The following C2CD3 variants were observed in gnomAD, a reference collection of about 807,000 sequenced individuals.
C2CD3 encodes the protein C2 domain-containing protein 3.
C2CD3 carries 148 observed loss-of-function variants against 234.0 expected under a neutral mutation model. The observed-to-expected ratio is 0.63, with a 90% CI of 0.55 to 0.72. The LOEUF (loss-of-function observed/expected upper bound fraction) is 0.72, where lower values mean the gene tolerates loss of function less well. Ranked by LOEUF, C2CD3 falls within the 30% of genes least tolerant of loss-of-function variation. C2CD3 has a pLI of 0.00. For missense variants in C2CD3, 2,577 were observed against 2,811.5 expected (o/e 0.92, Z 1.89); for synonymous variants, 1,000 against 1,035.4 (o/e 0.97, Z 0.66).
intron 12 of C2CD3, 136 bp from the exon 13 acceptor site, chr11:74,106,629 T>C: frequency 1.4e-6 from 1 of 734,984 alleles, no homozygotes. Context: ...AAGACAACTC[T>C]GAGATCCCAC....
intron 9 of C2CD3, among the ~76,000 whole-genome samples, chr11:74,116,802 GTA>G (rs909748401): frequency 7.4e-6 from 1 of 134,242 alleles, no homozygotes; most frequent in African/African-American, 2.8e-5. Flanking sequence ...ACACACACAC[GTA>G]TATATATACA....
chr11:74,068,080 T>A (rs1190690626), intron 24 of C2CD3, among the ~76,000 whole-genome samples: 1 of 152,110 alleles, frequency 6.6e-6, no homozygotes, highest in Admixed American at 6.6e-5. Context: ...ACTTAAAAGA[T>A]TTAGTGGTTC....
In C2CD3 at chr11:74,085,665, T is replaced by G. The variant is rs1313234369; in HGVS notation, c.3863A>C (p.Glu1288Ala). Reference sequence around the variant, plus strand: ...GACAGCAAAAATAACTTCTGCAAACTCCAACAACTCTGCTAGGAAACAGGC... The same window carrying G: ...GACAGCAAAAATAACTTCTGCAAACGCCAACAACTCTGCTAGGAAACAGGC... ...GEACFLAELL[E>A]FAEVIFAVYH... is the part of the protein sequence containing the mutation. The change falls in exon 21 of 33, where the codon GAG becomes GCG. Residue 1288 changes from glutamate to alanine, a missense_variant. Coordinates refer to ENST00000334126, the MANE Select transcript of C2CD3 (RefSeq NM_001286577.2). 1 of 1,613,980 alleles carries G rather than the reference T, an allele frequency of 6.2e-7. No homozygotes were observed. Among genetic ancestry groups the G allele is most frequent in the Non-Finnish European group, 8.5e-7 (1 of 1,180,030 alleles).
In C2CD3 at chr11:74,170,888, GC is replaced by G; in HGVS notation, c.-97del. On this transcript the variant is annotated 5_prime_UTR_variant, in exon 1 of 33. Transcript: ENST00000334126. ...CTCCCCACGGCGCCTGCGTTCCCCG[GC>G]AACCGGCGCCGCTGGGCAGCCTGGG... 1 of 1,539,322 alleles carries G rather than the reference GC, an allele frequency of 6.5e-7. No homozygotes were observed. The highest frequency in any genetic ancestry group is 8.8e-7 in the Non-Finnish European group (1 of 1,140,154).
chr11:74,149,491 A>T (rs1336218169), intron 3 of C2CD3, among the ~76,000 whole-genome samples: 1 of 151,714 alleles, frequency 6.6e-6, no homozygotes, highest in Admixed American at 6.6e-5. Flanking sequence ...GCATGCTAAC[A>T]TTTGCTTTGT....
chr11:74,114,658 T>C, intron 9 of C2CD3, 65 bp from the exon 10 acceptor site: 1 of 1,063,952 alleles, frequency 9.4e-7, no homozygotes, highest in Non-Finnish European at 1.5e-6. Flanking sequence ...CAATCTAGTT[T>C]GCACAGGCAA....
chr11:74,055,196 A>G (rs1484269560), intron 25 of C2CD3, among the ~76,000 whole-genome samples: 1 of 152,202 alleles, frequency 6.6e-6, no homozygotes, highest in African/African-American at 2.4e-5. Flanking sequence ...GAGAAGTAAA[A>G]TGGTTTGCTT....
chr11:74,037,316 C>A (rs1384861056), intron 30 of C2CD3, among the ~76,000 whole-genome samples, 162 bp downstream of exon 30: 2 of 151,444 alleles, frequency 1.3e-5, no homozygotes, highest in African/African-American at 2.4e-5. Context: ...TATGTCCCTC[C>A]TTTTCAAACG....
rs542804287 is a variant in C2CD3 at position 74,035,219 on chromosome 11, AG to A, written c.5882-942del. ...TACACTGATGATTTTCAGGCCTCAA[AG>A]GAATGGGTAGATAGACGAAAATGAA... is the stretch of plus-strand genomic sequence containing the variant. On this transcript the variant is annotated intron_variant, in intron 30 of 32. Coordinates refer to ENST00000334126, the MANE Select transcript of C2CD3 (RefSeq NM_001286577.2). 3.3e-3 allele frequency among the ~76,000 whole-genome samples: 504 copies of A among 152,342 alleles called. 3 individuals are homozygous for A. Among genetic ancestry groups the A allele is most frequent in the Non-Finnish European group, 5.7e-3 (389 of 68,032 alleles).
At chr11:74,107,869 G>C (rs902647918) in intron 12 of C2CD3, 2 of 151,822 alleles carry the variant, frequency 1.3e-5, no homozygotes, top group African/African-American at 4.8e-5. Flanking sequence ...AAAAAATGCC[G>C]GCCGGGCATG....
At chr11:74,086,862 C>G (rs866650) in intron 20 of C2CD3, among the ~76,000 whole-genome samples, 49,066 of 151,916 alleles carry the variant, frequency 0.32, 8,335 homozygotes, top group African/African-American at 0.41. Context: ...CTAAAGTAGA[C>G]TTCTGGGTTC....
intron 7 of C2CD3, among the ~76,000 whole-genome samples, chr11:74,127,165 A>G (rs1263574766): frequency 6.6e-6 from 1 of 152,054 alleles, no homozygotes; most frequent in Non-Finnish European, 1.5e-5. Context: ...ACGCCACCAC[A>G]CCAGGCTAAT....
intron 7 of C2CD3, chr11:74,128,439 A>C (rs2135530316): frequency 6.6e-6 from 1 of 152,308 alleles, no homozygotes; most frequent in South Asian, 2.1e-4. Context: ...TGTCATATCT[A>C]AGAATCATTT....
chr11:74,028,507 A>C (rs1952396979), intron 31 of C2CD3, 109 bp from the exon 32 acceptor site: 7 of 693,238 alleles, frequency 1.0e-5, no homozygotes, highest in Non-Finnish European at 1.7e-5. Flanking sequence ...TTTTTCCCTC[A>C]ACTATTCTTG....
intron 29 of C2CD3, among the ~76,000 whole-genome samples, 154 bp downstream of exon 29, chr11:74,041,900 C>T (rs1953080332): frequency 6.6e-6 from 1 of 152,168 alleles, no homozygotes; most frequent in Admixed American, 6.5e-5. Flanking sequence ...CATGAGGCTC[C>T]AGGGTCCAAC....
chr11:74,044,990 T>A (rs925774539), intron 28 of C2CD3, among the ~76,000 whole-genome samples: 6 of 152,172 alleles, frequency 3.9e-5, no homozygotes, highest in African/African-American at 1.2e-4. Context: ...TAAGGAATCA[T>A]TGTCTAATCC....
At chr11:74,060,279 C>T (rs1215868680) in intron 24 of C2CD3, among the ~76,000 whole-genome samples, 1 of 152,200 alleles carries the variant, frequency 6.6e-6, no homozygotes, top group Non-Finnish European at 1.5e-5. Flanking sequence ...GTGGTTCTCC[C>T]AGCACGGAGT....
In C2CD3 at chr11:74,106,459, C is replaced by T. The variant is rs201555785; in HGVS notation, c.1997G>A (p.Arg666Gln). 116 of 1,613,540 alleles carry T rather than the reference C, an allele frequency of 7.2e-5. No individual in the cohort carries two copies. Among genetic ancestry groups the T allele is most frequent in the Non-Finnish European group, 9.1e-5 (107 of 1,179,760 alleles). The change falls in exon 13 of 33, where the codon CGA becomes CAA. Residue 666 changes from arginine (R) to glutamine (Q), a missense_variant. Arg to Gln is a conservative substitution (Grantham distance 43, BLOSUM62 1). Coordinates refer to ENST00000334126, the MANE Select transcript of C2CD3 (RefSeq NM_001286577.2). ...EVIGSVSLSLRAVIQSELLSF... is the reference protein window; with the variant it reads ...EVIGSVSLSLQAVIQSELLSF... ...AAGCAGCTCTGATTGAATGACAGCT[C>T]GCAAAGAAAGTGACACAGATCCAAT...
At position 74,049,451 on chromosome 11, in the gene C2CD3, G is replaced by C; in HGVS notation, c.5247C>G (p.Asp1749Glu). Residue 1749 changes from aspartate to glutamate, a missense_variant, in exon 27 of 33, where the codon GAC (aspartate) becomes GAG (glutamate). Asp to Glu is a conservative substitution (Grantham distance 45). Coordinates refer to ENST00000334126, the MANE Select transcript of C2CD3 (RefSeq NM_001286577.2). ...QFVCGWYNIT[D>E]FSGECQGQIK... ...TCTGCCCCTGGCACTCTCCACTGAA[G>C]TCTGTGATGTTGTACCAGCCACAGA... The C allele has an allele frequency of 6.2e-7, 1 of 1,613,762 alleles. No homozygotes were observed. Among genetic ancestry groups the C allele is most frequent in the East Asian group, 2.2e-5 (1 of 44,884 alleles).
Sources: allele counts gnomAD v4.1 joint callset (sites outside exome capture counted in the v4.1 genomes callset), GRCh38; gene constraint gnomAD v4.1.1; transcripts MANE v1.5; gene names NCBI Gene and HGNC (gene_info 2026-07-23, HGNC 2026-07-21).